Variants in GALNT18 observed in about 807,000 individuals in gnomAD.
GALNT18 encodes the protein polypeptide N-acetylgalactosaminyltransferase 18.
Under a neutral mutation model 69.5 loss-of-function variants are expected in GALNT18, and 44 were observed. The observed-to-expected ratio is 0.63, with a 90% CI of 0.50 to 0.81. GALNT18 has a LOEUF of 0.81. GALNT18 is among the 40% of genes least tolerant of loss of function. The probability of loss-of-function intolerance (pLI) is 0.00; values close to 1 mark genes in which losing one functional copy is unlikely to be tolerated. For synonymous variants in GALNT18, 364 were observed against 318.2 expected, an observed-to-expected ratio of 1.14 and a Z score of -1.53; for missense variants, 715 against 810.0, an observed-to-expected ratio of 0.88 and a Z score of 1.42.
intron 3 of GALNT18, among the ~76,000 whole-genome samples, chr11:11,412,798 TCAC>T (rs1226732535): frequency 6.6e-6 from 1 of 152,190 alleles, no homozygotes; most frequent in African/African-American, 2.4e-5. Context: ...TACTCCTATC[TCAC>T]CACATTTAAT....
rs149983173 is a variant in GALNT18, at chr11:11,329,906, G to A, written c.1417-2725C>T. ...CCTGAGGCTGTAACATATGCCCTAT[G>A]AAATGGCATTACTGTGACCACTAAG... On this transcript the variant is annotated intron_variant, in intron 8 of 10. Coordinates refer to ENST00000227756, the MANE Select transcript of GALNT18 (RefSeq NM_198516.3). Among the ~76,000 whole-genome samples the A allele has an allele frequency of 6.0e-4, 91 of 152,134 alleles. No homozygotes were observed. In the East Asian group the frequency reaches 0.016, roughly 27 times the overall value.
intron 3 of GALNT18, among the ~76,000 whole-genome samples, chr11:11,424,791 C>A (rs1426422267): frequency 6.6e-6 from 1 of 152,140 alleles, no homozygotes; most frequent in African/African-American, 2.4e-5. Flanking sequence ...TTTCTGGAAA[C>A]AGTGGTAGTA....
chr11:11,520,946 G>A (rs763371601), intron 1 of GALNT18, among the ~76,000 whole-genome samples: 28 of 152,088 alleles, frequency 1.8e-4, no homozygotes, highest in Non-Finnish European at 3.4e-4. Context: ...ACATCGCAGG[G>A]TCCACCGTAG....
intron 3 of GALNT18, among the ~76,000 whole-genome samples, chr11:11,425,175 T>C (rs1855099452): frequency 6.6e-6 from 1 of 152,206 alleles, no homozygotes; most frequent in African/African-American, 2.4e-5. Flanking sequence ...TCTGCCCATC[T>C]CTTGAGGCCC....
rs1247888865 is a variant in GALNT18, at chr11:11,480,873, C to A, written c.236-31937G>T. ...CTGGTTAGGGGAAAATGATTCCTGACTCAGGACTTCTCAGGCCTTTCTTGG... is the reference window on the plus strand; with the variant it reads ...CTGGTTAGGGGAAAATGATTCCTGAATCAGGACTTCTCAGGCCTTTCTTGG... On this transcript the variant is annotated intron_variant, in intron 1 of 10. Transcript: ENST00000227756. The surrounding 1 kb of genome is among the most constrained non-coding windows in gnomAD (Gnocchi z 4.6). Among the ~76,000 whole-genome samples, 6 of 152,204 alleles carry A rather than the reference C, an allele frequency of 3.9e-5. No homozygotes were observed. The highest frequency in any genetic ancestry group is 8.8e-5 in the Non-Finnish European group (6 of 68,038).
rs896585694 is a variant in GALNT18, at chr11:11,582,364, G to T, written c.235+38995C>A. Among the ~76,000 whole-genome samples the T allele has an allele frequency of 6.6e-6, 1 of 152,232 alleles. No individual in the cohort carries two copies. Among genetic ancestry groups the T allele is most frequent in the Non-Finnish European group, 1.5e-5 (1 of 68,040 alleles). On this transcript the variant is annotated intron_variant, in intron 1 of 10. Coordinates refer to ENST00000227756, the MANE Select transcript of GALNT18 (RefSeq NM_198516.3). The surrounding 1 kb of genome is among the most constrained non-coding windows in gnomAD (Gnocchi z 5.0). ...ATTCACTGCCCCTCCCTATAAGAGG[G>T]CTATGCATGCCTGTCCGTTGCCCCG...
chr11:11,621,262 C>A lies in GALNT18; in HGVS notation c.235+97G>T. The A allele has an allele frequency of 3.1e-6, 3 of 975,452 alleles. No individual in the cohort carries two copies. Among genetic ancestry groups the A allele is most frequent in the Admixed American group, 4.2e-5 (2 of 48,190 alleles). The allele number at this position is 975,452 out of a possible 1,614,324, so 60.4% of individuals were successfully genotyped here. On this transcript the variant is annotated intron_variant, in intron 1 of 10. Coordinates refer to ENST00000227756, the MANE Select transcript of GALNT18 (RefSeq NM_198516.3). This position sits in a 1 kb window ranked among gnomAD's most constrained non-coding sequence, Gnocchi z 9.3. Reference sequence around the variant, plus strand: ...CGCATCTGCGGCCCCAGAGCCCCGCCGTGGCTGAGTTGATGCGCACCAGCC... The same window carrying A: ...CGCATCTGCGGCCCCAGAGCCCCGCAGTGGCTGAGTTGATGCGCACCAGCC...
At position 11,480,550 on chromosome 11, in the gene GALNT18, GT is replaced by G. The variant is rs58313041; in HGVS notation, c.236-31615del. The stretch of plus-strand genomic sequence containing the variant: ...TCAGACACTCTGCTTCTAGTGTCTG[GT>G]TAGAAAGAGGCTCTGAGCAGTCTCT... On this transcript the variant is annotated intron_variant, in intron 1 of 10. Transcript: ENST00000227756. This position sits in a 1 kb window ranked among gnomAD's most constrained non-coding sequence, Gnocchi z 4.6. Among the ~76,000 whole-genome samples the G allele has an allele frequency of 0.96, 146,567 of 152,268 alleles. 70,748 individuals are homozygous for G. Among genetic ancestry groups the G allele is most frequent in the East Asian group, 1 (5,163 of 5,164 alleles).
chr11:11,410,046 C>T (rs1003620140), intron 3 of GALNT18, among the ~76,000 whole-genome samples: 1 of 151,874 alleles, frequency 6.6e-6, no homozygotes, highest in Non-Finnish European at 1.5e-5. Flanking sequence ...CCTCTCCCCA[C>T]CCTTCTTTGT....
intron 6 of GALNT18, chr11:11,352,808 A>C: frequency 6.2e-7 from 1 of 1,614,214 alleles, no homozygotes; most frequent in East Asian, 2.2e-5. Context: ...TTCGTGACAC[A>C]GGGTCTTTTA....
At chr11:11,441,814 T>C (rs1855537663) in intron 2 of GALNT18, among the ~76,000 whole-genome samples, 1 of 152,186 alleles carries the variant, frequency 6.6e-6, no homozygotes, top group Admixed American at 6.5e-5. Flanking sequence ...ACAGAATTTG[T>C]GGGGCCCAGT....
chr11:11,319,532 G>A lies in GALNT18; in HGVS notation c.1512+7554C>T, dbSNP rs925273714. Among the ~76,000 whole-genome samples the A allele has an allele frequency of 3.5e-4, 53 of 152,270 alleles. 1 individual carries two copies. The highest frequency in any genetic ancestry group is 1.2e-3 in the African/African-American group (51 of 41,550). ...AATGTCATGTGAAGGGTGGAGTTAT[G>A]CTGCTACAAGCCGTTACCTTGATTT... On this transcript the variant is annotated intron_variant, in intron 9 of 10. Transcript: ENST00000227756.
chr11:11,419,619 A>AAAAAAAAAAAAAAAAAAAGAAAG (rs1554932034), intron 3 of GALNT18, among the ~76,000 whole-genome samples: 1 of 128,356 alleles, frequency 7.8e-6, no homozygotes. Flanking sequence ...AAAAAAAAAA[A>AAAAAAAAAAAAAAAAAAAGAAAG]AAAGAAAGAA....
In GALNT18 at chr11:11,341,487, C is replaced by G. The variant is rs1178945209; in HGVS notation, c.1093-483G>C. On this transcript the variant is annotated intron_variant, in intron 6 of 10. Coordinates refer to ENST00000227756, the MANE Select transcript of GALNT18 (RefSeq NM_198516.3). The surrounding 1 kb of genome is among the most constrained non-coding windows in gnomAD (Gnocchi z 6.3). ...TGATCACCACAGAGAAGGGTGTCAC[C>G]AGACACCCTTCTTCTAGTGCATCTT... is the stretch of plus-strand genomic sequence containing the variant. Among the ~76,000 whole-genome samples, 2 of 152,136 alleles carry G rather than the reference C, an allele frequency of 1.3e-5. No homozygotes were observed. The highest frequency in any genetic ancestry group is 2.4e-5 in the African/African-American group (1 of 41,428).
intron 9 of GALNT18, among the ~76,000 whole-genome samples, chr11:11,298,177 C>T (rs560759070): frequency 6.6e-6 from 1 of 152,338 alleles, no homozygotes; most frequent in East Asian, 1.9e-4. Flanking sequence ...TGGCCTCTAG[C>T]CCTCCAAAGA....
At chr11:11,275,127 T>C (rs1848912967) in intron 10 of GALNT18, among the ~76,000 whole-genome samples, 1 of 152,224 alleles carries the variant, frequency 6.6e-6, no homozygotes, top group South Asian at 2.1e-4. Context: ...CACACTGTCT[T>C]CCACAATGGT....
At chr11:11,585,689 A>G (rs1859200788) in intron 1 of GALNT18, among the ~76,000 whole-genome samples, 1 of 152,146 alleles carries the variant, frequency 6.6e-6, no homozygotes, top group Non-Finnish European at 1.5e-5. Context: ...CCAAAACAAC[A>G]TATCACAACA....
chr11:11,297,009 G>T (rs916352251), intron 9 of GALNT18, among the ~76,000 whole-genome samples: 1 of 152,178 alleles, frequency 6.6e-6, no homozygotes, highest in African/African-American at 2.4e-5. Context: ...ACTCTGGAAC[G>T]TTTAAGGCAA....
intron 3 of GALNT18, among the ~76,000 whole-genome samples, chr11:11,424,753 C>T (rs986787498): frequency 8.6e-5 from 13 of 152,038 alleles, no homozygotes; most frequent in Non-Finnish European, 1.3e-4. Flanking sequence ...CCAGCTGGGG[C>T]GGTGCTAGGG....
Sources: gnomAD v4.1 joint callset for allele counts (sites outside exome capture counted in the v4.1 genomes callset) on GRCh38, gnomAD v4.1.1 for gene constraint, Gnocchi (gnomAD v3.1) non-coding constraint, MANE v1.5 for transcripts, NCBI Gene and HGNC (gene_info 2026-07-23, HGNC 2026-07-21) for gene names.